The following SPEG variants were observed in gnomAD, a reference collection of about 807,000 sequenced individuals.
SPEG encodes striated muscle preferentially expressed protein kinase.
In SPEG, 114 loss-of-function variants were observed where a neutral mutation model predicts 300.4. The observed-to-expected ratio is 0.38, with a 90% CI of 0.33 to 0.44. SPEG has a LOEUF of 0.44. Among genes scored for constraint, SPEG ranks in the 20% least tolerant of loss-of-function variants. SPEG has a pLI of 1.00. For missense variants in SPEG, 4,201 were observed against 4,586.2 expected (o/e 0.92, Z 2.43); for synonymous variants, 1,964 against 2,018.9 (o/e 0.97, Z 0.73).
Position 219,449,138 on chromosome 2 carries a change from C to T in SPEG, c.1980C>T (p.Asn660=). The T allele has an allele frequency of 6.9e-7, 1 of 1,444,196 alleles. No individual in the cohort carries two copies. Among genetic ancestry groups the T allele is most frequent in the Non-Finnish European group, 9.1e-7 (1 of 1,099,778 alleles). 89.5% of individuals were successfully genotyped at this position (1,444,196 alleles called of 1,614,324 possible). The change falls in exon 4 of 41, where the codon AAC becomes AAT. Residue 660 remains asparagine, a synonymous_variant. Coordinates refer to ENST00000312358, the MANE Select transcript of SPEG (RefSeq NM_005876.5). ...GAAVPQTLEK[N]RAGPEAEKRL... The stretch of plus-strand genomic sequence containing the variant: ...CTGTACCCCAGACCTTGGAGAAGAA[C>T]AGGGCGGGGCCTGAGGCAGAGAAGA...
chr2:219,453,437 G>T (rs1301442837), intron 6 of SPEG, among the ~76,000 whole-genome samples: 1 of 152,204 alleles, frequency 6.6e-6, no homozygotes, highest in African/African-American at 2.4e-5. Context: ...CGTTATTAAC[G>T]GGTGCTGTTG....
At chr2:219,450,348 C>T (rs1481010208) in intron 4 of SPEG, among the ~76,000 whole-genome samples, 1 of 152,186 alleles carries the variant, frequency 6.6e-6, no homozygotes, top group Non-Finnish European at 1.5e-5. Context: ...GCTAATTTGC[C>T]CAAGGTTTTG....
chr2:219,491,100 CT>C, intron 38 of SPEG, 144 bp downstream of exon 38: 1 of 669,258 alleles, frequency 1.5e-6, no homozygotes, highest in Non-Finnish European at 2.6e-6. Context: ...GTGGATTGAT[CT>C]TTACAATAAC....
In SPEG at chr2:219,467,249, T is replaced by C; in HGVS notation, c.2957T>C (p.Leu986Pro). 2 of 1,607,192 alleles carry C rather than the reference T, an allele frequency of 1.2e-6. No individual in the cohort carries two copies. The change falls in exon 10 of 41, where the codon CTG (leucine) becomes CCG (proline). Residue 986 changes from leucine (L) to proline (P), a missense_variant. Physicochemically the swap from Leu to Pro is moderately conservative, Grantham distance 98 (BLOSUM62 -3). Transcript: ENST00000312358. ...GACGTGGGGGCCGGGGAGATGGCGCTGTTTGAGTGCCTGGTGGCGGGGCCC... is the reference window on the plus strand; with the variant it reads ...GACGTGGGGGCCGGGGAGATGGCGCCGTTTGAGTGCCTGGTGGCGGGGCCC... ...DVDVGAGEMA[L>P]FECLVAGPTD...
At chr2:219,471,724 C>CTGCCCCATCCT (rs1223236609) in intron 13 of SPEG, 144 bp from the exon 14 acceptor site, 15 of 985,300 alleles carry the variant, frequency 1.5e-5, no homozygotes, top group Non-Finnish European at 1.9e-5. Context: ...TTCTTGCTGC[C>CTGCCCCATCCT]TGCCCCATCC....
In SPEG at chr2:219,481,169, C is replaced by T. The variant is rs570474346; in HGVS notation, c.5370-135C>T. Reference sequence around the variant, plus strand: ...GGGCAGGAGAGAGTCCGCAGCCTCACCTCTTACCCACATTTGCCCAGCCTC... The same window carrying T: ...GGGCAGGAGAGAGTCCGCAGCCTCATCTCTTACCCACATTTGCCCAGCCTC... On this transcript the variant is annotated intron_variant, in intron 26 of 40. Transcript: ENST00000312358. This position sits in a 1 kb window ranked among gnomAD's most constrained non-coding sequence, Gnocchi z 5.4. 1.7e-5 allele frequency: 16 copies of T among 951,956 alleles called. No individual in the cohort carries two copies. In the South Asian group the frequency reaches 1.8e-4, roughly 11 times the overall value. 59.0% of individuals were successfully genotyped at this position (951,956 alleles called of 1,614,324 possible).
In SPEG at chr2:219,488,283, C is replaced by T; in HGVS notation, c.7831C>T (p.Pro2611Ser). The change falls in exon 32 of 41, where the codon CCT (proline) becomes TCT (serine). Residue 2611 changes from proline (P) to serine (S), a missense_variant. Coordinates refer to ENST00000312358, the MANE Select transcript of SPEG (RefSeq NM_005876.5). ...CCTGCTCTGCCTGCCAGCGGCCTGC[C>T]CTGCACCGCACATCTCCTGGATGAA... is the stretch of plus-strand genomic sequence containing the variant. ...ATLLCLPAAC[P>S]APHISWMKDK... The T allele has an allele frequency of 6.2e-7, 1 of 1,612,872 alleles. No homozygotes were observed. Among genetic ancestry groups the T allele is most frequent in the Non-Finnish European group, 8.5e-7 (1 of 1,179,490 alleles).
rs1192573509 is a variant in SPEG, at chr2:219,443,894, C to G, written c.389-759C>G. ...ACATCCCAGGTATCTCCCTCCCCAC[C>G]CATTGCCACAGGACACCTCTGGGGA... On this transcript the variant is annotated intron_variant, in intron 1 of 40. Coordinates refer to ENST00000312358, the MANE Select transcript of SPEG (RefSeq NM_005876.5). This position sits in a 1 kb window ranked among gnomAD's most constrained non-coding sequence, Gnocchi z 4.6. 1 of 616,446 alleles carries G rather than the reference C, an allele frequency of 1.6e-6. No individual in the cohort carries two copies. Among genetic ancestry groups the G allele is most frequent in the Admixed American group, 2.4e-5 (1 of 42,218 alleles). The allele number at this position is 616,446 out of a possible 1,614,324, so 38.2% of individuals were successfully genotyped here.
Position 219,480,555 on chromosome 2 carries a change from C to G in SPEG, c.5343-116C>G, listed in dbSNP as rs894681863. ...AAGAAGCCACTCCTGTGCCCATTGT[C>G]CATGGCAGTGTTCCCAGGGAGGTAA... On this transcript the variant is annotated intron_variant, in intron 25 of 40. Transcript: ENST00000312358. The surrounding 1 kb of genome is among the most constrained non-coding windows in gnomAD (Gnocchi z 5.3). 1.9e-5 allele frequency: 20 copies of G among 1,056,834 alleles called. No individual in the cohort carries two copies. The highest frequency in any genetic ancestry group is 2.7e-5 in the Non-Finnish European group (18 of 679,068). 65.5% of individuals were successfully genotyped at this position (1,056,834 alleles called of 1,614,324 possible). A position where few individuals can be genotyped will look rare whatever the true frequency, so the allele number is the denominator to read the frequency against.
intron 11 of SPEG, 36 bp downstream of exon 11, chr2:219,468,772 C>T (rs1022919318): frequency 3.1e-6 from 5 of 1,611,404 alleles, no homozygotes; most frequent in Admixed American, 1.7e-5. Context: ...GAGGGCCCCC[C>T]CAAGGGCCCA....
Position 219,472,901 on chromosome 2 carries a change from C to T in SPEG, c.3952C>T (p.Leu1318=), listed in dbSNP as rs141166555. The T allele has an allele frequency of 7.9e-5, 125 of 1,588,420 alleles. No homozygotes were observed. The African/African-American group carries it at 1.0e-3, about 13-fold the overall frequency. Residue 1318 remains leucine, a synonymous_variant, in exon 16 of 41, where the codon CTG becomes TTG. Transcript: ENST00000312358. ...SLDMAIDPDS[L]TYTVQHQVLG... is the part of the protein sequence containing the mutation. ...TCCTCTCCCGCCAGACCCGGACTCC[C>T]TGACGTACACAGTGCAGCACCAGGT... is the stretch of plus-strand genomic sequence containing the variant.
intron 31 of SPEG, 133 bp downstream of exon 31, chr2:219,485,610 A>AT: frequency 1.2e-6 from 1 of 834,690 alleles, no homozygotes. Context: ...TCAGACAACT[A>AT]TAACAATAGC....
chr2:219,450,161 A>G (rs952916477), intron 4 of SPEG, among the ~76,000 whole-genome samples: 2 of 152,232 alleles, frequency 1.3e-5, no homozygotes, highest in African/African-American at 4.8e-5. Context: ...GAATCTTTAG[A>G]GATAATTAGG....
Position 219,490,751 on chromosome 2 carries a change from T to C in SPEG, c.9180T>C (p.Asp3060=). 6.2e-7 allele frequency: 1 copy of C among 1,614,090 alleles called. No homozygotes were observed. Among genetic ancestry groups the C allele is most frequent in the East Asian group, 2.2e-5 (1 of 44,890 alleles). ...GLSDRFRYSE[D]DVATYMVQLL... is the part of the protein sequence containing the mutation. ...CTCCCAGGTTCCGGTATTCTGAGGA[T>C]GACGTGGCCACTTACATGGTGCAGC... is the stretch of plus-strand genomic sequence containing the variant. The change falls in exon 38 of 41, where the codon GAT becomes GAC. Residue 3060 remains aspartate, a synonymous_variant. Coordinates refer to ENST00000312358, the MANE Select transcript of SPEG (RefSeq NM_005876.5).
At chr2:219,442,494 T>A (rs1437091293) in intron 1 of SPEG, among the ~76,000 whole-genome samples, 1 of 120,430 alleles carries the variant, frequency 8.3e-6, no homozygotes, top group Non-Finnish European at 1.6e-5. Context: ...CCGGAGCTCC[T>A]GAAAGCAACG....
chr2:219,482,226 T>C (rs1692916832), intron 28 of SPEG: 1 of 176,370 alleles, frequency 5.7e-6, no homozygotes, highest in Non-Finnish European at 1.2e-5. Flanking sequence ...CTGAATAAAC[T>C]GTTCATGGAG....
At position 219,477,320 on chromosome 2, in the gene SPEG, A is replaced by G. The variant is rs905339267; in HGVS notation, c.4604A>G (p.Tyr1535Cys). The change falls in exon 20 of 41, where the codon TAC becomes TGC. Residue 1535 changes from tyrosine (Y) to cysteine (C), a missense_variant. By Grantham distance (194) the Tyr-to-Cys change is radical. This residue lies in a region of SPEG where 1,047 missense variants were observed against 1,356.8 expected (regional missense o/e 0.77). Transcript: ENST00000312358. This position sits in a 1 kb window ranked among gnomAD's most constrained non-coding sequence, Gnocchi z 6.4. ...LTESSHVSFV[Y>C]EENECSLVVL... ...GAGAGCAGCCATGTGAGCTTCGTGT[A>G]CGAGGAGAATGAGTGCTCCCTGGTG... 7 of 1,613,356 alleles carry G rather than the reference A, an allele frequency of 4.3e-6. No homozygotes were observed. The African/African-American group carries it at 5.3e-5, about 12-fold the overall frequency.
rs1693203001 is a variant in SPEG, at chr2:219,484,573, T to C, written c.7110T>C (p.Asp2370=). ...CCTTCCGTGGGGCCGAGGAGGAGGA[T>C]GGCATATACCGGCCCAGCCCGGCGG... ...RGPFRGAEEE[D]GIYRPSPAGT... Residue 2370 remains aspartate (D), a synonymous_variant, in exon 30 of 41, where the codon GAT becomes GAC. Coordinates refer to ENST00000312358, the MANE Select transcript of SPEG (RefSeq NM_005876.5). 1 of 1,583,734 alleles carries C rather than the reference T, an allele frequency of 6.3e-7. No individual in the cohort carries two copies. The highest frequency in any genetic ancestry group is 1.4e-5 in the African/African-American group (1 of 73,956).
Position 219,448,420 on chromosome 2 carries a change from C to T in SPEG, c.1262C>T (p.Pro421Leu), listed in dbSNP as rs1559369507. 3.3e-6 allele frequency: 5 copies of T among 1,523,872 alleles called. No homozygotes were observed. The highest frequency in any genetic ancestry group is 4.1e-5 in the Admixed American group (2 of 48,350). 94.4% of individuals were successfully genotyped at this position (1,523,872 alleles called of 1,614,324 possible). The change falls in exon 4 of 41, where the codon CCG becomes CTG. Residue 421 changes from proline to leucine, a missense_variant. Around this residue, in one of 4 missense-constraint regions of SPEG, gnomAD observed 1,258 missense variants for 1,293.9 expected, o/e 0.97. Transcript: ENST00000312358. The part of the protein sequence containing the change: ...RRSLERSDSP[P>L]APLRPWVPLR... Reference sequence around the variant, plus strand: ...AGCCTGGAGCGCAGCGACTCGCCGCCGGCGCCCCTGCGGCCCTGGGTGCCC... The same window carrying T: ...AGCCTGGAGCGCAGCGACTCGCCGCTGGCGCCCCTGCGGCCCTGGGTGCCC...
Sources: allele counts gnomAD v4.1 joint callset (sites outside exome capture counted in the v4.1 genomes callset), GRCh38; gene constraint gnomAD v4.1.1; regional missense constraint gnomAD v4.1.1; non-coding constraint Gnocchi (gnomAD v3.1); transcripts MANE v1.5; gene names NCBI Gene and HGNC (gene_info 2026-07-23, HGNC 2026-07-21).